KIF4A: variants seen among roughly 807,000 people sequenced by gnomAD.
KIF4A encodes chromosome-associated kinesin KIF4A.
In KIF4A, 7 loss-of-function variants were observed where a neutral mutation model predicts 105.9. The ratio of observed to expected loss-of-function variants is 0.07; its 90% CI spans 0.04 to 0.12. KIF4A has a LOEUF of 0.12. Among genes scored for constraint, KIF4A ranks in the 10% least tolerant of loss-of-function variants. The probability of loss-of-function intolerance (pLI) is 1.00; values close to 1 mark genes in which losing one functional copy is unlikely to be tolerated. For synonymous variants in KIF4A, 281 were observed against 331.3 expected (o/e 0.85, Z 1.65); for missense variants, 558 against 929.2 (o/e 0.60, Z 5.19).
intron 18 of KIF4A, 126 bp from the exon 19 acceptor site, chrX:70,386,492 A>G: frequency 2.1e-6 from 1 of 485,128 alleles, no homozygotes; most frequent in Non-Finnish European, 3.5e-6. Flanking sequence ...ATATGAGAAG[A>G]TGAAGGCAGC....
At chrX:70,314,682 C>G (rs778164426) in intron 7 of KIF4A, among the ~76,000 whole-genome samples, 1 of 111,184 alleles carries the variant, frequency 9.0e-6, no homozygotes, top group Non-Finnish European at 1.9e-5. Flanking sequence ...CAAAGAGCCA[C>G]TAGTAAATAT....
At chrX:70,357,792 A>G (rs1349969651) in intron 15 of KIF4A, among the ~76,000 whole-genome samples, 1 of 111,788 alleles carries the variant, frequency 8.9e-6, no homozygotes, top group Non-Finnish European at 1.9e-5. Flanking sequence ...TATTTGTTAT[A>G]GACCTATTTT....
chrX:70,407,313 AC>A (rs1172294176), intron 28 of KIF4A, among the ~76,000 whole-genome samples: 1 of 111,452 alleles, frequency 9.0e-6, no homozygotes, highest in African/African-American at 3.3e-5. Context: ...CACCATGTTG[AC>A]CAGGCCAGTC....
intron 18 of KIF4A, among the ~76,000 whole-genome samples, chrX:70,376,594 A>G (rs750063009): frequency 9.0e-6 from 1 of 111,726 alleles, no homozygotes; most frequent in African/African-American, 3.2e-5. Context: ...TAGGCCCTGA[A>G]TAATAGGAAG....
intron 14 of KIF4A, 45 bp from the exon 15 acceptor site, chrX:70,353,577 A>T: frequency 8.8e-7 from 1 of 1,138,178 alleles, no homozygotes; most frequent in East Asian, 3.0e-5. Context: ...AAGGAACTCC[A>T]TTTGCTTGTT....
intron 13 of KIF4A, among the ~76,000 whole-genome samples, chrX:70,346,613 T>A (rs1217700342): frequency 9.0e-6 from 1 of 111,677 alleles, no homozygotes; most frequent in African/African-American, 3.3e-5. Flanking sequence ...AGAATCGCTG[T>A]GTCTGCCACT....
At chrX:70,376,422 C>T (rs774821716) in intron 18 of KIF4A, among the ~76,000 whole-genome samples, 1 of 111,985 alleles carries the variant, frequency 8.9e-6, no homozygotes, top group South Asian at 3.7e-4. Context: ...AGTATATAAG[C>T]TCTGCCCTTG....
At position 70,302,075 on chromosome X, in the gene KIF4A, C is replaced by T; in HGVS notation, c.683+9C>T. ...AGAAAGAAAAGTGACAAGTAAGTTA[C>T]AATTTAAAGAGTCAAGATTTTTAGT... On this transcript the variant is annotated intron_variant, in intron 6 of 30. Transcript: ENST00000374403. 1.7e-6 allele frequency: 2 copies of T among 1,207,847 alleles called. No homozygotes were observed. The highest frequency in any genetic ancestry group is 2.2e-6 in the Non-Finnish European group (2 of 892,622).
At chrX:70,292,729 T>A (rs2085765855) in intron 3 of KIF4A, among the ~76,000 whole-genome samples, 1 of 112,144 alleles carries the variant, frequency 8.9e-6, no homozygotes, top group Non-Finnish European at 1.9e-5. Flanking sequence ...TGAAACAATA[T>A]GCTTTTCAGA....
chrX:70,349,846 C>T (rs1377228692), intron 13 of KIF4A, among the ~76,000 whole-genome samples: 10 of 89,966 alleles, frequency 1.1e-4, no homozygotes, highest in African/African-American at 2.2e-4. Context: ...ACTTCCCAGA[C>T]GGGGTGGCAG....
chrX:70,415,861 C>CTTTTTTTT (rs1162374099), intron 28 of KIF4A, among the ~76,000 whole-genome samples: 178 of 57,306 alleles, frequency 3.1e-3, no homozygotes, highest in Non-Finnish European at 3.7e-3. Flanking sequence ...TGCATTATTT[C>CTTTTTTTT]TTTTTTTTTT....
chrX:70,301,883 CTCTT>C lies in KIF4A; in HGVS notation c.517-12_517-9del. The C allele has an allele frequency of 8.3e-7, 1 of 1,202,779 alleles. No individual in the cohort carries two copies. The highest frequency in any genetic ancestry group is 1.1e-6 in the Non-Finnish European group (1 of 889,646). ...GAAGTATAAATCATAAGGGAATTTT[CTCTT>C]TCTTGCAATTAGATTGTGGGACTCA... On this transcript the variant is annotated splice_polypyrimidine_tract_variant and intron_variant, in intron 5 of 30. Transcript: ENST00000374403.
At chrX:70,299,375 G>A (rs1262320179) in intron 5 of KIF4A, among the ~76,000 whole-genome samples, 173 bp downstream of exon 5, 1 of 110,423 alleles carries the variant, frequency 9.1e-6, no homozygotes, top group Non-Finnish European at 1.9e-5. Context: ...GAGCTCTTGT[G>A]GGGAAGCAAG....
chrX:70,349,869 A>G (rs1393538593), intron 13 of KIF4A, among the ~76,000 whole-genome samples: 10 of 38,104 alleles, frequency 2.6e-4, no homozygotes, highest in Admixed American at 7.9e-4. Flanking sequence ...GGGCAGAGGC[A>G]CTCCTCACTT....
intron 17 of KIF4A, 125 bp from the exon 18 acceptor site, chrX:70,375,975 G>A (rs1360149610): frequency 2.7e-5 from 12 of 449,070 alleles, no homozygotes; most frequent in African/African-American, 4.9e-5. Context: ...CAGGGAATCT[G>A]TTGGGGACTG....
At chrX:70,364,849 C>T (rs1232160836) in intron 15 of KIF4A, among the ~76,000 whole-genome samples, 1 of 111,751 alleles carries the variant, frequency 8.9e-6, no homozygotes, top group African/African-American at 3.3e-5. Flanking sequence ...GCCATTTTCA[C>T]AATATTGATT....
intron 25 of KIF4A, 47 bp from the exon 26 acceptor site, chrX:70,405,781 G>A (rs1286446960): frequency 3.2e-6 from 3 of 949,973 alleles, no homozygotes; most frequent in East Asian, 3.1e-5. Context: ...TAACCCACAT[G>A]TAGTGCCCAA....
In KIF4A at chrX:70,316,345, T is replaced by G. The variant is rs867715285; in HGVS notation, c.779-13060T>G. 2.7e-5 allele frequency among the ~76,000 whole-genome samples: 3 copies of G among 111,259 alleles called. No individual in the cohort carries two copies. The South Asian group carries it at 1.1e-3, about 42-fold the overall frequency. ...TCCTGATTAAATTACCTATTCAAAG[T>G]ATTTCTCTTTAGTCAGTGTGAGTGC... On this transcript the variant is annotated intron_variant, in intron 7 of 30. Coordinates refer to ENST00000374403, the MANE Select transcript of KIF4A (RefSeq NM_012310.5).
chrX:70,331,639 TA>T (rs11403200), intron 9 of KIF4A, among the ~76,000 whole-genome samples: 2 of 104,984 alleles, frequency 1.9e-5, no homozygotes, highest in African/African-American at 6.9e-5. Flanking sequence ...CTTCAATTTG[TA>T]AAAAAAAAAC....
Sources: gnomAD v4.1 joint callset for allele counts (sites outside exome capture counted in the v4.1 genomes callset) on GRCh38, gnomAD v4.1.1 for gene constraint, MANE v1.5 for transcripts, NCBI Gene and HGNC (gene_info 2026-07-23, HGNC 2026-07-21) for gene names.